Variants in ACTN4 observed in about 807,000 individuals in gnomAD.
ACTN4 encodes alpha-actinin-4.
A neutral mutation model predicts 114.2 loss-of-function variants in ACTN4; 18 were observed. The ratio of observed to expected loss-of-function variants is 0.16; its 90% CI spans 0.11 to 0.23. The LOEUF is 0.23. Ranked by LOEUF, ACTN4 falls within the 10% of genes least tolerant of loss-of-function variation. The pLI is 1.00. For synonymous variants in ACTN4, 515 were observed against 506.3 expected (o/e 1.02, Z -0.23); for missense variants, 722 against 1,262.9 (o/e 0.57, Z 6.49).
intron 1 of ACTN4, among the ~76,000 whole-genome samples, chr19:38,662,446 A>G (rs545130665): frequency 2.3e-4 from 35 of 152,312 alleles, no homozygotes; most frequent in African/African-American, 7.2e-4. Context: ...GTGGCCTGTG[A>G]TGGTGCAGCC....
At chr19:38,708,964 G>T (rs1409193897) in intron 6 of ACTN4, among the ~76,000 whole-genome samples, 2 of 152,148 alleles carry the variant, frequency 1.3e-5, no homozygotes, top group African/African-American at 4.8e-5. Context: ...AGCCTGTGAG[G>T]GGGCTGGGGG....
intron 1 of ACTN4, among the ~76,000 whole-genome samples, chr19:38,675,905 G>C (rs1442023365): frequency 1.3e-5 from 2 of 152,218 alleles, no homozygotes; most frequent in Non-Finnish European, 2.9e-5. Context: ...GTGTTGGAAG[G>C]CTGTAGACTT....
intron 1 of ACTN4, among the ~76,000 whole-genome samples, chr19:38,699,063 C>T (rs575477215): frequency 6.6e-6 from 1 of 152,320 alleles, no homozygotes; most frequent in East Asian, 1.9e-4. Context: ...GGGTGGGGTA[C>T]AGGGGTTCCT....
chr19:38,697,218 C>T (rs760948581), intron 1 of ACTN4, among the ~76,000 whole-genome samples: 1 of 152,184 alleles, frequency 6.6e-6, no homozygotes, highest in Non-Finnish European at 1.5e-5. Flanking sequence ...ACCCAAGCGG[C>T]GAGGTTTGTT....
chr19:38,661,798 G>A (rs1212276913), intron 1 of ACTN4, among the ~76,000 whole-genome samples: 2 of 152,206 alleles, frequency 1.3e-5, no homozygotes, highest in South Asian at 2.1e-4. Flanking sequence ...GACTACAGGC[G>A]CCCGCCACCA....
chr19:38,672,261 G>A (rs1303753538), intron 1 of ACTN4, among the ~76,000 whole-genome samples: 1 of 100,686 alleles, frequency 9.9e-6, no homozygotes, highest in Non-Finnish European at 2.0e-5. Context: ...TTTTTTTTGA[G>A]ACGGAGTCTT....
Position 38,731,003 on chromosome 19 carries a change from C to T in ACTN4, c.*1571C>T. The stretch of plus-strand genomic sequence containing the variant: ...AGGCAGATGACCCCCTCACCCCCAT[C>T]CAGGTGCTGGCTGCAGTGGCCTGTG... On this transcript the variant is annotated 3_prime_UTR_variant, in exon 21 of 21. Transcript: ENST00000252699. 6.4e-7 allele frequency: 1 copy of T among 1,552,340 alleles called. No homozygotes were observed. Among genetic ancestry groups the T allele is most frequent in the Non-Finnish European group, 8.7e-7 (1 of 1,148,006 alleles).
intron 1 of ACTN4, among the ~76,000 whole-genome samples, chr19:38,654,607 A>G (rs1976662618): frequency 6.6e-6 from 1 of 151,980 alleles, no homozygotes; most frequent in Non-Finnish European, 1.5e-5. Context: ...ATCTTTGCAT[A>G]TATTTAACTG....
chr19:38,675,997 AG>A (rs1313730770), intron 1 of ACTN4, among the ~76,000 whole-genome samples: 1 of 152,226 alleles, frequency 6.6e-6, no homozygotes, highest in African/African-American at 2.4e-5. Context: ...ACCTTGGGCA[AG>A]GAAGTCTCCA....
intron 1 of ACTN4, among the ~76,000 whole-genome samples, chr19:38,693,943 C>G (rs973640151): frequency 6.6e-6 from 1 of 152,214 alleles, no homozygotes; most frequent in Non-Finnish European, 1.5e-5. Context: ...CCCCCTTCCC[C>G]GCACTCACAC....
intron 1 of ACTN4, among the ~76,000 whole-genome samples, chr19:38,652,072 G>A (rs570430592): frequency 6.1e-4 from 93 of 151,988 alleles, no homozygotes; most frequent in African/African-American, 2.2e-3. Flanking sequence ...CTTTTTAAAG[G>A]CTGATAATGG....
intron 19 of ACTN4, chr19:38,728,439 T>TCCCCCCCCCC: frequency 1.1e-6 from 1 of 922,204 alleles, no homozygotes; most frequent in South Asian, 1.6e-5. Context: ...CTCCTCCTCC[T>TCCCCCCCCCC]CCTCCTCCTC....
rs764678933 is a variant in ACTN4 at position 38,710,359 on chromosome 19, G to C, written c.819+17G>C. ...GCGCAGAAGGTACCGAGCAGGGCCA[G>C]GCAGGCCCTCCTCGCCGCCACCGCG... On this transcript the variant is annotated intron_variant, in intron 8 of 20. Coordinates refer to ENST00000252699, the MANE Select transcript of ACTN4 (RefSeq NM_004924.6). 1 of 1,612,362 alleles carries C rather than the reference G, an allele frequency of 6.2e-7. No individual in the cohort carries two copies. Among genetic ancestry groups the C allele is most frequent in the Non-Finnish European group, 8.5e-7 (1 of 1,179,746 alleles).
At position 38,647,729 on chromosome 19, in the gene ACTN4, G is replaced by T. The variant is rs1976425775; in HGVS notation, c.-17G>T. 1 of 1,538,298 alleles carries T rather than the reference G, an allele frequency of 6.5e-7. No individual in the cohort carries two copies. The highest frequency in any genetic ancestry group is 1.4e-5 in the African/African-American group (1 of 70,806). ...GGCGGGAGCGGACAGGCTGGTGGGC[G>T]AGCGAGAGGCGGCGGAATGGTGGAC... is the stretch of plus-strand genomic sequence containing the variant. On this transcript the variant is annotated 5_prime_UTR_variant, in exon 1 of 21. Transcript: ENST00000252699.
In ACTN4 at chr19:38,717,867, C is replaced by CA; in HGVS notation, c.1144-59dup. 1 of 1,551,642 alleles carries CA rather than the reference C, an allele frequency of 6.4e-7. No individual in the cohort carries two copies. The highest frequency in any genetic ancestry group is 8.7e-7 in the Non-Finnish European group (1 of 1,147,650). ...CCTTCCCATCAGCATCCCTTGGAGACATCCCCCTGGGTGCCTCCACTTCCT... is the reference window on the plus strand; with the variant it reads ...CCTTCCCATCAGCATCCCTTGGAGACAATCCCCCTGGGTGCCTCCACTTCCT... On this transcript the variant is annotated intron_variant, in intron 10 of 20. Coordinates refer to ENST00000252699, the MANE Select transcript of ACTN4 (RefSeq NM_004924.6). This position sits in a 1 kb window ranked among gnomAD's most constrained non-coding sequence, Gnocchi z 4.0.
chr19:38,704,884 C>T, intron 3 of ACTN4, 50 bp from the exon 4 acceptor site: 1 of 1,565,280 alleles, frequency 6.4e-7, no homozygotes, highest in Non-Finnish European at 8.8e-7. Context: ...GGAGGAGCCT[C>T]ACTCTGGTTT....
At chr19:38,681,123 T>C (rs1337959611) in intron 1 of ACTN4, among the ~76,000 whole-genome samples, 1 of 85,192 alleles carries the variant, frequency 1.2e-5, no homozygotes, top group Non-Finnish European at 2.2e-5. Flanking sequence ...GAGACTCCAA[T>C]CTCTAGAAAA....
At chr19:38,659,283 AC>A in intron 1 of ACTN4, among the ~76,000 whole-genome samples, 1 of 150,776 alleles carries the variant, frequency 6.6e-6, no homozygotes, top group East Asian at 1.9e-4. Context: ...CTGGTCTTGA[AC>A]CCTTGACCTC....
chr19:38,730,334 G>A lies in ACTN4; in HGVS notation c.*902G>A, dbSNP rs148628317. The stretch of plus-strand genomic sequence containing the variant: ...CCGGGCCCCTTGCTGATGCTCCTCC[G>A]GGTCTGCGTCGGGCGTGGGTCTCTG... On this transcript the variant is annotated 3_prime_UTR_variant, in exon 21 of 21. Transcript: ENST00000252699. 397 of 167,998 alleles carry A rather than the reference G, an allele frequency of 2.4e-3. 2 individuals carry two copies. Among genetic ancestry groups the A allele is most frequent in the Middle Eastern group, 9.5e-3 (3 of 316 alleles). The allele number at this position is 167,998 out of a possible 1,614,324, so 10.4% of individuals were successfully genotyped here.
Sources: gnomAD v4.1 joint callset for allele counts (sites outside exome capture counted in the v4.1 genomes callset) on GRCh38, gnomAD v4.1.1 for gene constraint, Gnocchi (gnomAD v3.1) non-coding constraint, MANE v1.5 for transcripts, NCBI Gene and HGNC (gene_info 2026-07-23, HGNC 2026-07-21) for gene names.